Variants in PIDD1 observed in about 807,000 individuals in gnomAD.
PIDD1 encodes the protein p53-induced death domain-containing protein 1.
Under a neutral mutation model 80.0 loss-of-function variants are expected in PIDD1, and 72 were observed. The observed-to-expected ratio is 0.90, with a 90% CI of 0.74 to 1.09. The LOEUF (loss-of-function observed/expected upper bound fraction) is 1.09, where lower values mean the gene tolerates loss of function less well. Ranked by LOEUF, PIDD1 falls within the 50% of genes least tolerant of loss-of-function variation. PIDD1 has a pLI of 0.00. For missense variants in PIDD1, 1,329 were observed against 1,228.3 expected (o/e 1.08, Z -1.23); for synonymous variants, 655 against 543.5 (o/e 1.21, Z -2.85).
Position 804,474 on chromosome 11 carries a change from A to C in PIDD1, c.-75-11T>G, listed in dbSNP as rs1397641071. ...CAGCGCCCGGGGAAGCTGCAGAGGC[A>C]GGAGGAGGAGTGAGCGGGAGCCGGG... On this transcript the variant is annotated splice_polypyrimidine_tract_variant and intron_variant, in intron 1 of 15. Coordinates refer to ENST00000347755, the MANE Select transcript of PIDD1 (RefSeq NM_145886.4). 3.4e-6 allele frequency: 5 copies of C among 1,487,026 alleles called. No individual in the cohort carries two copies. In the East Asian group the frequency reaches 9.4e-5, roughly 28 times the overall value. The allele number at this position is 1,487,026 out of a possible 1,614,324, so 92.1% of individuals were successfully genotyped here. A position where few individuals can be genotyped will look rare whatever the true frequency, so the allele number is the denominator to read the frequency against.
In PIDD1 at chr11:801,501, C is replaced by A. The variant is rs369066278; in HGVS notation, c.1426G>T (p.Val476Phe). 1.2e-5 allele frequency: 18 copies of A among 1,551,464 alleles called. No homozygotes were observed. The South Asian group carries it at 1.6e-4, about 13-fold the overall frequency. Reference sequence around the variant, plus strand: ...GCCCCAGGGGGGAAGATGACTTTGACCCCAGGATGACCCGAGGAGCACAGC... The same window carrying A: ...GCCCCAGGGGGGAAGATGACTTTGAACCCAGGATGACCCGAGGAGCACAGC... ...TLLCSSGHPG[V>F]KVIFPPGATE... Residue 476 changes from valine to phenylalanine, a missense_variant, in exon 8 of 16, where the codon GTC becomes TTC. By Grantham distance (50) the Val-to-Phe change is conservative. Coordinates refer to ENST00000347755, the MANE Select transcript of PIDD1 (RefSeq NM_145886.4).
rs891021001 is a variant in PIDD1, at chr11:801,139, G to A, written c.1631-19C>T. On this transcript the variant is annotated intron_variant, in intron 9 of 15. Coordinates refer to ENST00000347755, the MANE Select transcript of PIDD1 (RefSeq NM_145886.4). The stretch of plus-strand genomic sequence containing the variant: ...CTGAGGCCTGGGGATGGGAGGGGCA[G>A]CGAGCTGAGGCCTCCTGGCCGGAGA... The A allele has an allele frequency of 3.2e-6, 5 of 1,547,440 alleles. No individual in the cohort carries two copies. Among genetic ancestry groups the A allele is most frequent in the Non-Finnish European group, 4.4e-6 (5 of 1,143,418 alleles).
In PIDD1 at chr11:801,010, G is replaced by A. The variant is rs774730549; in HGVS notation, c.1741C>T (p.Arg581Cys). 45 of 1,603,310 alleles carry A rather than the reference G, an allele frequency of 2.8e-5. No homozygotes were observed. The Middle Eastern group carries it at 1.5e-3, about 53-fold the overall frequency. Residue 581 changes from arginine to cysteine, a missense_variant, in exon 10 of 16, where the codon CGC becomes TGC. Physicochemically the swap from Arg to Cys is radical, Grantham distance 180. Coordinates refer to ENST00000347755, the MANE Select transcript of PIDD1 (RefSeq NM_145886.4). ...VVLELTHLYA[R>C]FQVTHFSWYW... ...CAGGAGAAGTGTGTGACCTGGAAGC[G>A]TGCGTACAGGTGGGTGAGCTCCAGG...
rs1460245442 is a variant in PIDD1 at position 804,078 on chromosome 11, AAC to A, written c.295+14_295+15del. The A allele has an allele frequency of 2.5e-6, 4 of 1,593,864 alleles. No homozygotes were observed. The South Asian group carries it at 4.5e-5, about 18-fold the overall frequency. On this transcript the variant is annotated intron_variant, in intron 2 of 15. Transcript: ENST00000347755. The stretch of plus-strand genomic sequence containing the variant: ...AGCGAGAGATGGAGACAGGGCCCAG[AAC>A]AGGTGGAACTCACCTTTGAGGACCA...
intron 2 of PIDD1, 110 bp from the exon 3 acceptor site, chr11:803,697 C>T: frequency 1.6e-6 from 2 of 1,250,072 alleles, no homozygotes; most frequent in South Asian, 1.4e-5. Context: ...TCCCACCCCA[C>T]CCCCACCCCA....
chr11:804,861 C>T (rs1161721201), intron 1 of PIDD1: 2 of 155,756 alleles, frequency 1.3e-5, no homozygotes, highest in African/African-American at 4.8e-5. Flanking sequence ...CCTCCCCTAC[C>T]GCGGGGGTGA....
chr11:799,799 G>T lies in PIDD1; in HGVS notation c.2474+16C>A. On this transcript the variant is annotated intron_variant, in intron 15 of 15. Transcript: ENST00000347755. ...CAGCCCTGGGGCTGGCAGCCAGCGGGCAGTGGGAGCCTCACCGGAACTCGT... is the reference window on the plus strand; with the variant it reads ...CAGCCCTGGGGCTGGCAGCCAGCGGTCAGTGGGAGCCTCACCGGAACTCGT... 4 of 1,535,196 alleles carry T rather than the reference G, an allele frequency of 2.6e-6. No individual in the cohort carries two copies. Among genetic ancestry groups the T allele is most frequent in the Non-Finnish European group, 3.5e-6 (4 of 1,140,760 alleles).
rs1477133265 is a variant in PIDD1, at chr11:800,529, A to G, written c.2041+14T>C. On this transcript the variant is annotated intron_variant, in intron 12 of 15. Coordinates refer to ENST00000347755, the MANE Select transcript of PIDD1 (RefSeq NM_145886.4). ...TCCCCCTCCAGGGCAGGGAGCATCC[A>G]CCAGCATCCCTACCAGCATCCACGT... The G allele has an allele frequency of 6.2e-7, 1 of 1,607,550 alleles. No individual in the cohort carries two copies. Among genetic ancestry groups the G allele is most frequent in the Non-Finnish European group, 8.5e-7 (1 of 1,177,716 alleles).
At chr11:807,189 CA>C (rs1338815823), upstream of PIDD1, among the ~76,000 whole-genome samples, 5,631 of 94,120 alleles carry the variant, frequency 0.06, 291 homozygotes, top group East Asian at 0.31. Flanking sequence ...GACTCCCTCT[CA>C]AAAAAAAAAA....
intron 14 of PIDD1, 38 bp from the exon 15 acceptor site, chr11:800,052 A>G: frequency 6.2e-7 from 1 of 1,606,840 alleles, no homozygotes; most frequent in Non-Finnish European, 8.5e-7. Flanking sequence ...CCTGGGCTCC[A>G]CCCCCAACTC....
upstream of PIDD1, among the ~76,000 whole-genome samples, chr11:807,235 A>G (rs1300412849): frequency 6.6e-6 from 1 of 150,670 alleles, no homozygotes; most frequent in Non-Finnish European, 1.5e-5. Context: ...TCGCATCTGT[A>G]ATTCCAGCAC....
chr11:805,789 G>A (rs1865738879), upstream of PIDD1: 6 of 584,530 alleles, frequency 1.0e-5, no homozygotes, highest in South Asian at 3.8e-4. Context: ...ATCGCGCAGG[G>A]GAGAAGGAGG....
At chr11:802,493 G>C in intron 5 of PIDD1, 50 bp downstream of exon 5, 2 of 1,604,868 alleles carry the variant, frequency 1.2e-6, no homozygotes, top group Non-Finnish European at 1.7e-6. Context: ...GGAGGGGCCA[G>C]AGTGACAGGC....
In PIDD1 at chr11:801,370, G is replaced by A; in HGVS notation, c.1483-5C>T. 6.2e-7 allele frequency: 1 copy of A among 1,607,366 alleles called. No homozygotes were observed. The highest frequency in any genetic ancestry group is 8.5e-7 in the Non-Finnish European group (1 of 1,176,958). The stretch of plus-strand genomic sequence containing the variant: ...TCGGCCAGCCATGCGCACCACCTGG[G>A]GCAGACAGGCCCCCTGAGCACCTGC... On this transcript the variant is annotated splice_polypyrimidine_tract_variant and splice_region_variant and intron_variant, in intron 8 of 15. Coordinates refer to ENST00000347755, the MANE Select transcript of PIDD1 (RefSeq NM_145886.4).
chr11:802,232 A>T lies in PIDD1; in HGVS notation c.1139T>A (p.Val380Glu). The change falls in exon 6 of 16, where the codon GTG becomes GAG. Residue 380 changes from valine (V) to glutamate (E), a missense_variant. By Grantham distance (121) the Val-to-Glu change is moderately radical. Coordinates refer to ENST00000347755, the MANE Select transcript of PIDD1 (RefSeq NM_145886.4). ...LGPHDALLSHVLELQPHGVAF... is the reference protein window; with the variant it reads ...LGPHDALLSHELELQPHGVAF... The stretch of plus-strand genomic sequence containing the variant: ...CACCCCATGGGGCTGCAGCTCCAGC[A>T]CATGGCTGAGCAGGGCGTCATGAGG... The T allele has an allele frequency of 6.2e-7, 1 of 1,611,502 alleles. No individual in the cohort carries two copies. The highest frequency in any genetic ancestry group is 8.5e-7 in the Non-Finnish European group (1 of 1,179,364).
chr11:805,317 C>A, upstream of PIDD1: 1 of 731,242 alleles, frequency 1.4e-6, no homozygotes, highest in Non-Finnish European at 1.7e-6. Context: ...GCCCCCTCCG[C>A]CGGGCTGGGG....
chr11:802,436 G>T, intron 5 of PIDD1, 40 bp from the exon 6 acceptor site: 2 of 1,600,990 alleles, frequency 1.2e-6, no homozygotes, highest in East Asian at 4.5e-5. Flanking sequence ...AGACCCAGAA[G>T]GGCCTACGTG....
At position 799,348 on chromosome 11, in the gene PIDD1, C is replaced by T. The variant is rs1215828177; in HGVS notation, c.2692G>A (p.Gly898Ser). 6.2e-7 allele frequency: 1 copy of T among 1,610,010 alleles called. No individual in the cohort carries two copies. Among genetic ancestry groups the T allele is most frequent in the African/African-American group, 1.3e-5 (1 of 74,944 alleles). Residue 898 changes from glycine to serine, a missense_variant, in exon 16 of 16, where the codon GGC becomes AGC. Gly to Ser is a moderately conservative substitution (Grantham distance 56, BLOSUM62 0). Coordinates refer to ENST00000347755, the MANE Select transcript of PIDD1 (RefSeq NM_145886.4). Reference protein sequence around the residue: ...GLAPKDPALPGSSAPQPPEPA... With the variant: ...GLAPKDPALPSSSAPQPPEPA... ...TCTGGGGGCTGTGGAGCCGAGGAGC[C>T]AGGCAGAGCGGGGTCCTTGGGGGCC... is the stretch of plus-strand genomic sequence containing the variant.
At position 803,291 on chromosome 11, in the gene PIDD1, G is replaced by A. The variant is rs570001276; in HGVS notation, c.592C>T (p.Arg198Cys). 9.3e-6 allele frequency: 15 copies of A among 1,613,734 alleles called. No homozygotes were observed. The East Asian group carries it at 1.6e-4, about 17-fold the overall frequency. ...PALGALSTLQ[R>C]LDLSQNLLDT... Reference sequence around the variant, plus strand: ...AGCAGATTCTGAGAGAGATCGAGGCGCTGCAGGGTGGATAGGGCCCCCAGT... The same window carrying A: ...AGCAGATTCTGAGAGAGATCGAGGCACTGCAGGGTGGATAGGGCCCCCAGT... Residue 198 changes from arginine to cysteine, a missense_variant, in exon 3 of 16, where the codon CGC (arginine) becomes TGC (cysteine). Arg to Cys is a radical substitution (Grantham distance 180). Transcript: ENST00000347755.
Sources: allele counts gnomAD v4.1 joint callset (sites outside exome capture counted in the v4.1 genomes callset), GRCh38; gene constraint gnomAD v4.1.1; transcripts MANE v1.5; gene names NCBI Gene and HGNC (gene_info 2026-07-23, HGNC 2026-07-21).